PPFIA2: variants seen among roughly 807,000 people sequenced by gnomAD.
The protein encoded by PPFIA2 is liprin-alpha-2.
A neutral mutation model predicts 175.5 loss-of-function variants in PPFIA2; 46 were observed. The ratio of observed to expected loss-of-function variants is 0.26; its 90% CI spans 0.21 to 0.34. PPFIA2 has a LOEUF of 0.34. Among genes scored for constraint, PPFIA2 ranks in the 10% least tolerant of loss-of-function variants. PPFIA2 has a pLI of 1.00. For missense variants in PPFIA2, 1,179 were observed against 1,506.1 expected (o/e 0.78, Z 3.60); for synonymous variants, 568 against 511.4 (o/e 1.11, Z -1.49).
rs1567687494 is a variant in PPFIA2, at chr12:81,642,705, TG to T, written c.303+34085del. On this transcript the variant is annotated intron_variant, in intron 4 of 32. Coordinates refer to ENST00000549396, the MANE Select transcript of PPFIA2 (RefSeq NM_003625.5). Reference sequence around the variant, plus strand: ...TATCTATTATATACATACATGTATATGTATGTATGTATTATATACATACATG... The same window carrying T: ...TATCTATTATATACATACATGTATATTATGTATGTATTATATACATACATG... 9.2e-4 allele frequency among the ~76,000 whole-genome samples: 33 copies of T among 36,014 alleles called. 10 individuals are homozygous for T. The highest frequency in any genetic ancestry group is 2.0e-3 in the Non-Finnish European group (32 of 16,140). 23.6% of individuals were successfully genotyped at this position (36,014 alleles called of 152,430 possible).
intron 4 of PPFIA2, among the ~76,000 whole-genome samples, chr12:81,607,597 T>C (rs2060460830): frequency 6.6e-6 from 1 of 152,136 alleles, no homozygotes; most frequent in South Asian, 2.1e-4. Flanking sequence ...ACTTTTAGCC[T>C]AAACATTATT....
chr12:81,486,411 C>A (rs2058825575), intron 4 of PPFIA2, among the ~76,000 whole-genome samples: 1 of 151,762 alleles, frequency 6.6e-6, no homozygotes, highest in Admixed American at 6.6e-5. Context: ...ATATGCCATG[C>A]AGAAAACTTT....
intron 30 of PPFIA2, among the ~76,000 whole-genome samples, chr12:81,264,822 T>A (rs553659083): frequency 6.6e-6 from 1 of 152,338 alleles, no homozygotes; most frequent in East Asian, 1.9e-4. Context: ...GCCCTAGATC[T>A]CCAAATGTGT....
intron 5 of PPFIA2, among the ~76,000 whole-genome samples, chr12:81,447,668 T>C (rs1051001264): frequency 1.3e-5 from 2 of 152,212 alleles, no homozygotes; most frequent in Non-Finnish European, 2.9e-5. Context: ...TTTCATTCTA[T>C]TTTCCCATTG....
At chr12:81,629,582 A>T (rs2063130525) in intron 4 of PPFIA2, among the ~76,000 whole-genome samples, 1 of 152,174 alleles carries the variant, frequency 6.6e-6, no homozygotes, top group Non-Finnish European at 1.5e-5. Context: ...CCAAAACCTG[A>T]GAAACCTGGC....
chr12:81,653,433 T>A (rs2067302342), intron 4 of PPFIA2, among the ~76,000 whole-genome samples: 1 of 152,100 alleles, frequency 6.6e-6, no homozygotes, highest in African/African-American at 2.4e-5. Context: ...AACCAAGTTG[T>A]CAGTAGATTT....
chr12:81,734,903 T>C (rs2153645517), intron 3 of PPFIA2, among the ~76,000 whole-genome samples: 1 of 151,944 alleles, frequency 6.6e-6, no homozygotes, highest in South Asian at 2.1e-4. Flanking sequence ...GGGTATTTCA[T>C]GAATAAGGAA....
chr12:81,457,016 A>T (rs1017232495), intron 5 of PPFIA2, among the ~76,000 whole-genome samples: 12 of 143,090 alleles, frequency 8.4e-5, no homozygotes, highest in Non-Finnish European at 1.4e-4. Context: ...TATTATTATT[A>T]TTTTTTTGAG....
At chr12:81,490,699 C>T (rs531446523) in intron 4 of PPFIA2, among the ~76,000 whole-genome samples, 14 of 152,048 alleles carry the variant, frequency 9.2e-5, no homozygotes, top group South Asian at 2.1e-4. Context: ...TCTTACAGAA[C>T]CCCATTCTGC....
At chr12:81,759,046 A>T (rs1027633779) in intron 1 of PPFIA2, among the ~76,000 whole-genome samples, 7 of 151,972 alleles carry the variant, frequency 4.6e-5, no homozygotes, top group Non-Finnish European at 1.0e-4. Flanking sequence ...GGGATGCAAA[A>T]AGCAGGACAG....
intron 4 of PPFIA2, among the ~76,000 whole-genome samples, chr12:81,573,012 T>TGA (rs143437420): frequency 3.8e-4 from 57 of 149,488 alleles, no homozygotes; most frequent in Non-Finnish European, 4.8e-4. Flanking sequence ...GTATTAATAT[T>TGA]GAGAGAGAGA....
At chr12:81,481,143 T>A (rs983915673) in intron 4 of PPFIA2, among the ~76,000 whole-genome samples, 2 of 152,116 alleles carry the variant, frequency 1.3e-5, no homozygotes, top group South Asian at 2.1e-4. Flanking sequence ...CATTCACAAT[T>A]GCTACAAAGT....
intron 4 of PPFIA2, among the ~76,000 whole-genome samples, chr12:81,669,855 T>C (rs181528231): frequency 6.6e-6 from 1 of 152,114 alleles, no homozygotes; most frequent in East Asian, 1.9e-4. Context: ...GGGAATTTTA[T>C]TGTGATGGGA....
At chr12:81,386,509 C>A (rs1216250672) in intron 8 of PPFIA2, among the ~76,000 whole-genome samples, 2 of 151,558 alleles carry the variant, frequency 1.3e-5, no homozygotes, top group African/African-American at 4.8e-5. Flanking sequence ...ATAGTCCCAG[C>A]AACTAGAGAG....
At chr12:81,536,124 C>A (rs961025962) in intron 4 of PPFIA2, among the ~76,000 whole-genome samples, 3 of 151,714 alleles carry the variant, frequency 2.0e-5, no homozygotes, top group South Asian at 2.1e-4. Flanking sequence ...AAAGAATACA[C>A]TATGAGAATT....
chr12:81,522,349 TGGATGCAA>T (rs2153241850), intron 4 of PPFIA2, among the ~76,000 whole-genome samples: 1 of 152,286 alleles, frequency 6.6e-6, no homozygotes, highest in African/African-American at 2.4e-5. Context: ...TAAGGAAAGT[TGGATGCAA>T]CTACATATGT....
chr12:81,531,050 C>T (rs1467189015), intron 4 of PPFIA2, among the ~76,000 whole-genome samples: 1 of 151,846 alleles, frequency 6.6e-6, no homozygotes, highest in East Asian at 1.9e-4. Context: ...TTAATGTACT[C>T]TTAAACTTTT....
chr12:81,595,553 T>C (rs2059153277), intron 4 of PPFIA2, among the ~76,000 whole-genome samples: 1 of 152,034 alleles, frequency 6.6e-6, no homozygotes, highest in Non-Finnish European at 1.5e-5. Flanking sequence ...CACAGTAATA[T>C]AAAACTGATG....
intron 7 of PPFIA2, among the ~76,000 whole-genome samples, chr12:81,415,266 A>G (rs1198424228): frequency 1.2e-5 from 1 of 86,256 alleles, no homozygotes; most frequent in Non-Finnish European, 2.3e-5. Context: ...TATGTTTGTA[A>G]GAATTTTTAC....
Sources: allele counts gnomAD v4.1 joint callset (sites outside exome capture counted in the v4.1 genomes callset), GRCh38; gene constraint gnomAD v4.1.1; transcripts MANE v1.5; gene names NCBI Gene and HGNC (gene_info 2026-07-23, HGNC 2026-07-21).